TTC13: variants seen among roughly 807,000 people sequenced by gnomAD.
TTC13 encodes the protein tetratricopeptide repeat protein 13.
Under a neutral mutation model 120.0 loss-of-function variants are expected in TTC13, and 62 were observed. That is an observed-to-expected ratio of 0.52 (90% CI 0.42 to 0.64). The LOEUF (loss-of-function observed/expected upper bound fraction) is 0.64. TTC13 is among the 30% of genes least tolerant of loss of function. TTC13 has a pLI of 0.00. For missense variants in TTC13, 824 were observed against 1,050.2 expected, an observed-to-expected ratio of 0.78 and a Z score of 2.98; for synonymous variants, 384 against 393.5, an observed-to-expected ratio of 0.98 and a Z score of 0.28.
chr1:230,911,571 T>A, intron 19 of TTC13, 22 bp from the exon 20 acceptor site: 2 of 1,452,200 alleles, frequency 1.4e-6, no homozygotes, highest in Middle Eastern at 1.9e-4. Context: ...AGATACAGAC[T>A]CATAAATACT....
chr1:230,931,250 A>G, intron 11 of TTC13, 48 bp downstream of exon 11: 1 of 1,585,906 alleles, frequency 6.3e-7, no homozygotes, highest in Non-Finnish European at 8.6e-7. Context: ...TATGATTTCT[A>G]CAGCTTTGAG....
chr1:230,953,465 G>A (rs1006260830), intron 4 of TTC13, among the ~76,000 whole-genome samples: 1 of 152,146 alleles, frequency 6.6e-6, no homozygotes, highest in Non-Finnish European at 1.5e-5. Context: ...AATTTACTAA[G>A]CACTTACTAT....
At chr1:230,912,526 G>T (rs1671604510) in intron 19 of TTC13, 97 bp downstream of exon 19, 1 of 1,376,768 alleles carries the variant, frequency 7.3e-7, no homozygotes, top group South Asian at 1.3e-5. Flanking sequence ...CCAATTTCAA[G>T]CATAAGATGT....
intron 1 of TTC13, among the ~76,000 whole-genome samples, chr1:230,975,883 T>C (rs1678256700): frequency 1.3e-5 from 2 of 152,154 alleles, no homozygotes; most frequent in South Asian, 4.1e-4. Flanking sequence ...GTGGTGTGCA[T>C]AGCTGGGCCA....
chr1:230,933,999 A>G, intron 8 of TTC13, 138 bp from the exon 9 acceptor site: 8 of 497,846 alleles, frequency 1.6e-5, no homozygotes, highest in Middle Eastern at 5.3e-4. Context: ...AAAGAGAGGC[A>G]GAAAATGCAA....
chr1:230,907,789 T>C (rs752088350), intron 22 of TTC13, among the ~76,000 whole-genome samples: 14 of 152,096 alleles, frequency 9.2e-5, no homozygotes, highest in Non-Finnish European at 1.8e-4. Context: ...CTGGGGGTGG[T>C]TGGGATGTAA....
chr1:230,957,344 GGAA>G (rs1194021080), intron 3 of TTC13, among the ~76,000 whole-genome samples: 4 of 152,110 alleles, frequency 2.6e-5, no homozygotes, highest in East Asian at 1.9e-4. Flanking sequence ...GGAGTCCTAG[GGAA>G]GAAGATCATT....
At chr1:230,971,293 C>A (rs1677712556) in intron 1 of TTC13, among the ~76,000 whole-genome samples, 1 of 140,536 alleles carries the variant, frequency 7.1e-6, no homozygotes, top group South Asian at 2.3e-4. Context: ...TTGCAGTGAG[C>A]CGAGATTGCA....
intron 4 of TTC13, among the ~76,000 whole-genome samples, chr1:230,953,182 A>T (rs918594670): frequency 6.6e-6 from 1 of 152,218 alleles, no homozygotes; most frequent in African/African-American, 2.4e-5. Flanking sequence ...TTTAAATTCT[A>T]CTGAAGAATA....
rs191410781 is a variant in TTC13, at chr1:230,971,219, G to A, written c.271+7341C>T. 7.5e-3 allele frequency among the ~76,000 whole-genome samples: 1,141 copies of A among 151,766 alleles called. 8 individuals are homozygous for A. The highest frequency in any genetic ancestry group is 0.014 in the Middle Eastern group (4 of 294). On this transcript the variant is annotated intron_variant, in intron 1 of 22. Transcript: ENST00000366661. ...AAATTAGCCGGGCGTGGTGGCGGGC[G>A]CCTGTAGTCCCAGCTACTCGGGAGG...
At chr1:230,953,351 T>A (rs1342356974) in intron 4 of TTC13, among the ~76,000 whole-genome samples, 2 of 152,198 alleles carry the variant, frequency 1.3e-5, no homozygotes, top group Non-Finnish European at 2.9e-5. Context: ...AATTCCAAAA[T>A]GAATCATTTA....
intron 18 of TTC13, among the ~76,000 whole-genome samples, chr1:230,914,139 C>G (rs879575412): frequency 6.6e-6 from 1 of 152,192 alleles, no homozygotes; most frequent in Non-Finnish European, 1.5e-5. Flanking sequence ...TGAGGTGAAG[C>G]AGGAAATTGA....
rs1445586545 is a variant in TTC13 at position 230,906,932 on chromosome 1, A to G, written c.2556T>C (p.Ser852=). 18 of 1,524,992 alleles carry G rather than the reference A, an allele frequency of 1.2e-5. No homozygotes were observed. Among genetic ancestry groups the G allele is most frequent in the Non-Finnish European group, 1.6e-5 (18 of 1,143,608 alleles). 94.5% of individuals were successfully genotyped at this position (1,524,992 alleles called of 1,614,324 possible). A position where few individuals can be genotyped will look rare whatever the true frequency, so the allele number is the denominator to read the frequency against. The change falls in exon 23 of 23, where the codon TCT becomes TCC. Residue 852 remains serine (S), a synonymous_variant. Transcript: ENST00000366661. ...AGAGTTTCTTAAGACAACGTGGAGA[A>G]GAGTCTGTGTTTAGCACCTCAATCA... ...RSMIEVLNTD[S]SPRCLKKL is the part of the protein sequence containing the mutation.
chr1:230,911,630 T>A lies in TTC13; in HGVS notation c.2230-81A>T, dbSNP rs970487574. 6.0e-6 allele frequency: 5 copies of A among 828,216 alleles called. No individual in the cohort carries two copies. In the Admixed American group the frequency reaches 1.3e-4, roughly 22 times the overall value. 51.3% of individuals were successfully genotyped at this position (828,216 alleles called of 1,614,324 possible). ...CATTAGGTGACAGAACACACAAGAA[T>A]AATCTACATCAAGAAGAGGATTGTT... is the stretch of plus-strand genomic sequence containing the variant. On this transcript the variant is annotated intron_variant, in intron 19 of 22. Transcript: ENST00000366661.
intron 11 of TTC13, 47 bp downstream of exon 11, chr1:230,931,251 C>T: frequency 6.3e-7 from 1 of 1,585,246 alleles, no homozygotes; most frequent in Non-Finnish European, 8.6e-7. Context: ...ATGATTTCTA[C>T]AGCTTTGAGC....
At chr1:230,943,055 A>G (rs1029498373) in intron 6 of TTC13, among the ~76,000 whole-genome samples, 2 of 152,246 alleles carry the variant, frequency 1.3e-5, no homozygotes, top group African/African-American at 4.8e-5. Flanking sequence ...TTACACACAT[A>G]CACATCAGCA....
intron 13 of TTC13, among the ~76,000 whole-genome samples, 168 bp from the exon 14 acceptor site, chr1:230,925,141 T>C (rs1259373269): frequency 1.3e-5 from 2 of 152,192 alleles, no homozygotes; most frequent in Non-Finnish European, 2.9e-5. Flanking sequence ...CCTACTAAAA[T>C]TAAAACCCAT....
At chr1:230,937,007 T>C (rs1189317895) in intron 8 of TTC13, among the ~76,000 whole-genome samples, 1 of 152,026 alleles carries the variant, frequency 6.6e-6, no homozygotes, top group African/African-American at 2.4e-5. Context: ...AAAGCAAGAG[T>C]TCCCATCTAT....
chr1:230,978,532 A>C lies in TTC13; in HGVS notation c.271+28T>G. The C allele has an allele frequency of 3.9e-6, 3 of 766,460 alleles. No individual in the cohort carries two copies. The highest frequency in any genetic ancestry group is 5.4e-6 in the Non-Finnish European group (3 of 557,236). The allele number at this position is 766,460 out of a possible 1,614,324, so 47.5% of individuals were successfully genotyped here. A position where few individuals can be genotyped will look rare whatever the true frequency, so the allele number is the denominator to read the frequency against. ...CCCCGCTGCCCCGCCGCCCCGGCCG[A>C]CTCGGACGCCCGCCGCCGCCCACTC... On this transcript the variant is annotated intron_variant, in intron 1 of 22. Transcript: ENST00000366661. This position sits in a 1 kb window ranked among gnomAD's most constrained non-coding sequence, Gnocchi z 5.6.
Sources: gnomAD v4.1 joint callset for allele counts (sites outside exome capture counted in the v4.1 genomes callset) on GRCh38, gnomAD v4.1.1 for gene constraint, Gnocchi (gnomAD v3.1) non-coding constraint, MANE v1.5 for transcripts, NCBI Gene and HGNC (gene_info 2026-07-23, HGNC 2026-07-21) for gene names.